The following INSYN2B variants were observed in gnomAD, a reference collection of about 807,000 sequenced individuals.
The protein encoded by INSYN2B is protein INSYN2B.
Under a neutral mutation model 41.2 loss-of-function variants are expected in INSYN2B, and 16 were observed. The ratio of observed to expected loss-of-function variants is 0.39; its 90% CI spans 0.26 to 0.59. The LOEUF (loss-of-function observed/expected upper bound fraction) is 0.59, where lower values mean the gene tolerates loss of function less well. Among genes scored for constraint, INSYN2B ranks in the 20% least tolerant of loss-of-function variants. The pLI is 0.57. For synonymous variants in INSYN2B, 245 were observed against 244.4 expected, an observed-to-expected ratio of 1.00 and a Z score of -0.02; for missense variants, 608 against 646.4, an observed-to-expected ratio of 0.94 and a Z score of 0.64.
chr5:169,957,274 T>C (rs1776908015), intron 1 of INSYN2B, among the ~76,000 whole-genome samples: 1 of 152,248 alleles, frequency 6.6e-6, no homozygotes, highest in Non-Finnish European at 1.5e-5. Flanking sequence ...GGGACTTAAC[T>C]GCTCTGAGCC....
chr5:169,895,319 C>CA (rs957307960), intron 1 of INSYN2B, among the ~76,000 whole-genome samples: 4 of 152,062 alleles, frequency 2.6e-5, no homozygotes, highest in African/African-American at 9.7e-5. Flanking sequence ...TTGTTTCTTG[C>CA]AAAGGGAAGA....
At chr5:169,870,545 GC>G (rs1366371873) in intron 3 of INSYN2B, among the ~76,000 whole-genome samples, 2 of 151,834 alleles carry the variant, frequency 1.3e-5, no homozygotes, top group Non-Finnish European at 2.9e-5. Flanking sequence ...TTTTGAATTT[GC>G]AAAGTATTTT....
intron 1 of INSYN2B, among the ~76,000 whole-genome samples, chr5:169,894,039 T>G (rs2113551001): frequency 6.6e-6 from 1 of 152,318 alleles, no homozygotes; most frequent in East Asian, 1.9e-4. Context: ...CACATTTGGC[T>G]GATTAAAATA....
rs1771387135 is a variant in INSYN2B at position 169,864,179 on chromosome 5, T to C, written c.*94A>G. 8.6e-7 allele frequency: 1 copy of C among 1,165,638 alleles called. No individual in the cohort carries two copies. Among genetic ancestry groups the C allele is most frequent in the African/African-American group, 1.5e-5 (1 of 65,786 alleles). 72.2% of individuals were successfully genotyped at this position (1,165,638 alleles called of 1,614,324 possible). A position where few individuals can be genotyped will look rare whatever the true frequency, so the allele number is the denominator to read the frequency against. On this transcript the variant is annotated 3_prime_UTR_variant, in exon 4 of 4. Transcript: ENST00000377365. ...GCCAAGGGGCTCACAGCCCAGGGCC[T>C]TTGCAAAGAAGCAGGGCAGGCCTTA...
At chr5:169,952,293 G>A in intron 1 of INSYN2B, among the ~76,000 whole-genome samples, 1 of 152,142 alleles carries the variant, frequency 6.6e-6, no homozygotes, top group South Asian at 2.1e-4. Context: ...TTGAGAACTT[G>A]TTGTGTACCT....
intron 1 of INSYN2B, among the ~76,000 whole-genome samples, chr5:169,910,003 T>A (rs1774505059): frequency 6.6e-6 from 1 of 152,130 alleles, no homozygotes; most frequent in Admixed American, 6.5e-5. Context: ...ACTCTGCAAG[T>A]CATCAGGGTG....
rs533353712 is a variant in INSYN2B at position 169,881,316 on chromosome 5, G to A, written c.1421+52C>T. 1.3e-4 allele frequency: 180 copies of A among 1,435,284 alleles called. 3 individuals are homozygous for A. The highest frequency in any genetic ancestry group is 1.2e-3 in the South Asian group (96 of 81,414). 88.9% of individuals were successfully genotyped at this position (1,435,284 alleles called of 1,614,324 possible). A position where few individuals can be genotyped will look rare whatever the true frequency, so the allele number is the denominator to read the frequency against. ...TTAAAAGTTTGCTAGAGTGTTCAGC[G>A]GACCCTATGGCTTTATGGTCTACAG... is the stretch of plus-strand genomic sequence containing the variant. On this transcript the variant is annotated intron_variant, in intron 3 of 3. Transcript: ENST00000377365.
In INSYN2B at chr5:169,889,239, C is replaced by G. The variant is rs78326563; in HGVS notation, c.-918-4423G>C. On this transcript the variant is annotated intron_variant, in intron 1 of 3. Coordinates refer to ENST00000377365, the MANE Select transcript of INSYN2B (RefSeq NM_001129891.3). ...CTAATTAAGAGTGAAGGAATTAATTCACTTCCAACATTTTTTTTCCTTTCA... is the reference window on the plus strand; with the variant it reads ...CTAATTAAGAGTGAAGGAATTAATTGACTTCCAACATTTTTTTTCCTTTCA... Among the ~76,000 whole-genome samples the G allele has an allele frequency of 5.3e-5, 8 of 152,344 alleles. No individual in the cohort carries two copies. In the East Asian group the frequency reaches 1.5e-3, roughly 29 times the overall value.
intron 3 of INSYN2B, among the ~76,000 whole-genome samples, chr5:169,866,394 C>G (rs1452104661): frequency 1.3e-5 from 2 of 152,224 alleles, no homozygotes; most frequent in African/African-American, 4.8e-5. Flanking sequence ...TTTCCCACTT[C>G]CAGGCTATGG....
chr5:169,886,004 C>T (rs1056451655), intron 1 of INSYN2B, among the ~76,000 whole-genome samples: 7 of 151,892 alleles, frequency 4.6e-5, no homozygotes, highest in Non-Finnish European at 8.8e-5. Flanking sequence ...GCATTCTTAA[C>T]TATGAAGTTA....
chr5:169,888,376 C>T (rs1016606433), intron 1 of INSYN2B, among the ~76,000 whole-genome samples: 9 of 152,184 alleles, frequency 5.9e-5, no homozygotes, highest in African/African-American at 9.7e-5. Flanking sequence ...AGCTGCCCTA[C>T]GGCTGGAATT....
At chr5:169,949,971 A>G (rs1776594648) in intron 1 of INSYN2B, among the ~76,000 whole-genome samples, 1 of 152,266 alleles carries the variant, frequency 6.6e-6, no homozygotes, top group African/African-American at 2.4e-5. Context: ...CAGGATTCAC[A>G]TTTACCAGAA....
chr5:169,953,958 G>A (rs549350756), intron 1 of INSYN2B, among the ~76,000 whole-genome samples: 105 of 152,296 alleles, frequency 6.9e-4, no homozygotes, highest in African/African-American at 2.4e-3. Context: ...TTAATGCATG[G>A]CAAAGGCTTC....
chr5:169,932,580 G>A (rs1186202414), intron 1 of INSYN2B, among the ~76,000 whole-genome samples: 8 of 152,138 alleles, frequency 5.3e-5, no homozygotes, highest in Non-Finnish European at 8.8e-5. Context: ...GACCTGGGAC[G>A]CTTGACACTG....
intron 1 of INSYN2B, among the ~76,000 whole-genome samples, chr5:169,906,328 T>G (rs1774276807): frequency 6.6e-6 from 1 of 152,178 alleles, no homozygotes; most frequent in Non-Finnish European, 1.5e-5. Context: ...CCCAAGCCAG[T>G]GTGTGCACAT....
chr5:169,937,374 C>T (rs1416428806), intron 1 of INSYN2B, among the ~76,000 whole-genome samples: 2 of 152,196 alleles, frequency 1.3e-5, no homozygotes, highest in African/African-American at 2.4e-5. Context: ...TGAATAGATA[C>T]TTCCCACATC....
chr5:169,864,782 T>A (rs188452895), intron 3 of INSYN2B, among the ~76,000 whole-genome samples: 52 of 152,308 alleles, frequency 3.4e-4, no homozygotes, highest in Non-Finnish European at 6.2e-4. Context: ...GTGTTATGCA[T>A]GAAAACTGTC....
chr5:169,902,389 T>C (rs1773976971), intron 1 of INSYN2B, among the ~76,000 whole-genome samples: 2 of 152,108 alleles, frequency 1.3e-5, no homozygotes. Flanking sequence ...CACAAAGAAG[T>C]TTAGTGATTT....
In INSYN2B at chr5:169,937,011, TGGA is replaced by T. The variant is rs540534486; in HGVS notation, c.-919+43263_-919+43265del. ...TGCAAAAATGGTAGCTTGAACACTG[TGGA>T]GGAGAGGCTGGGTATTTGGTGAGGA... is the stretch of plus-strand genomic sequence containing the variant. On this transcript the variant is annotated intron_variant, in intron 1 of 3. Coordinates refer to ENST00000377365, the MANE Select transcript of INSYN2B (RefSeq NM_001129891.3). Among the ~76,000 whole-genome samples, 1,030 of 152,314 alleles carry T rather than the reference TGGA, an allele frequency of 6.8e-3. 4 individuals carry two copies. Among genetic ancestry groups the T allele is most frequent in the Non-Finnish European group, 0.012 (790 of 68,010 alleles).
Sources: allele counts gnomAD v4.1 joint callset (sites outside exome capture counted in the v4.1 genomes callset), GRCh38; gene constraint gnomAD v4.1.1; transcripts MANE v1.5; gene names NCBI Gene and HGNC (gene_info 2026-07-23, HGNC 2026-07-21).